The following KHDRBS2 variants were observed in gnomAD, a reference collection of about 807,000 sequenced individuals.
KHDRBS2 encodes the protein KH domain-containing, RNA-binding, signal transduction-associated protein 2.
A neutral mutation model predicts 44.3 loss-of-function variants in KHDRBS2; 26 were observed. The observed-to-expected ratio is 0.59, with a 90% CI of 0.43 to 0.81. KHDRBS2 has a LOEUF of 0.81. Ranked by LOEUF, KHDRBS2 falls within the 40% of genes least tolerant of loss-of-function variation. The pLI is 0.00. For synonymous variants in KHDRBS2, 194 were observed against 151.1 expected (o/e 1.28, Z -2.08); for missense variants, 476 against 433.1 (o/e 1.10, Z -0.88).
intron 6 of KHDRBS2, among the ~76,000 whole-genome samples, chr6:61,852,535 G>C (rs1210989176): frequency 6.7e-6 from 1 of 149,462 alleles, no homozygotes; most frequent in Admixed American, 6.7e-5. Flanking sequence ...CTGCACTCCA[G>C]CCTGGTGACA....
intron 6 of KHDRBS2, among the ~76,000 whole-genome samples, chr6:61,822,470 C>A (rs1315627829): frequency 6.6e-6 from 1 of 151,958 alleles, no homozygotes; most frequent in Non-Finnish European, 1.5e-5. Flanking sequence ...CTATCATCTT[C>A]ATCAGTGCTT....
intron 2 of KHDRBS2, among the ~76,000 whole-genome samples, chr6:62,055,801 G>A (rs575151602): frequency 3.3e-4 from 50 of 152,070 alleles, no homozygotes; most frequent in African/African-American, 1.2e-3. Flanking sequence ...TTTGGAAGAC[G>A]GACATGAATT....
chr6:62,049,129 A>G (rs1218514808), intron 2 of KHDRBS2, among the ~76,000 whole-genome samples: 1 of 151,896 alleles, frequency 6.6e-6, no homozygotes, highest in Non-Finnish European at 1.5e-5. Flanking sequence ...TTACTGGAGT[A>G]TGGATTGTTG....
chr6:61,849,203 C>T (rs552239), intron 6 of KHDRBS2, among the ~76,000 whole-genome samples: 87,139 of 151,762 alleles, frequency 0.57, 25,185 homozygotes, highest in South Asian at 0.68. Context: ...CTTGTTAAAT[C>T]GACTATAAAT....
chr6:61,965,204 G>A (rs911488117), intron 4 of KHDRBS2, among the ~76,000 whole-genome samples: 1 of 152,116 alleles, frequency 6.6e-6, no homozygotes, highest in Non-Finnish European at 1.5e-5. Context: ...CATGTGCCAG[G>A]GGCCAATTTC....
chr6:62,027,915 C>T (rs1783663820), intron 3 of KHDRBS2, among the ~76,000 whole-genome samples: 1 of 151,996 alleles, frequency 6.6e-6, no homozygotes, highest in East Asian at 1.9e-4. Context: ...TTCCTGAGTT[C>T]TGTGAGCCAG....
In KHDRBS2 at chr6:61,938,958, T is replaced by C. The variant is rs1280559188; in HGVS notation, c.484-37587A>G. ...AAAAGAGCTCTCCTATTCATGTTCA[T>C]CAGTGGTTCTTCAGTGGAGGCTATT... On this transcript the variant is annotated intron_variant, in intron 4 of 8. Transcript: ENST00000281156. Among the ~76,000 whole-genome samples, 3 of 152,152 alleles carry C rather than the reference T, an allele frequency of 2.0e-5. 1 individual carries two copies. Among genetic ancestry groups the C allele is most frequent in the South Asian group, 4.1e-4 (2 of 4,832 alleles).
chr6:61,768,174 C>T (rs566836088), intron 6 of KHDRBS2, among the ~76,000 whole-genome samples: 1 of 152,114 alleles, frequency 6.6e-6, no homozygotes, highest in Non-Finnish European at 1.5e-5. Flanking sequence ...TTTCTCCTGG[C>T]CTGTAAGGTT....
chr6:61,624,553 A>G, the KHDRBS2 span, among the ~76,000 whole-genome samples: 127 of 152,350 alleles, frequency 8.3e-4, no homozygotes, highest in African/African-American at 2.9e-3. Flanking sequence ...ATCCACAGAC[A>G]TGGAATCTGT....
At chr6:62,070,611 C>A (rs1010054730) in intron 2 of KHDRBS2, among the ~76,000 whole-genome samples, 1 of 151,768 alleles carries the variant, frequency 6.6e-6, no homozygotes, top group Non-Finnish European at 1.5e-5. Context: ...GTCCTTGCGA[C>A]AGTTTGCTGA....
At chr6:62,195,995 AT>A (rs1382559237) in intron 1 of KHDRBS2, among the ~76,000 whole-genome samples, 1 of 152,200 alleles carries the variant, frequency 6.6e-6, no homozygotes, top group Non-Finnish European at 1.5e-5. Flanking sequence ...CAGAAACAGA[AT>A]AAGCATCTGT....
At chr6:62,257,991 C>G (rs899175903) in intron 1 of KHDRBS2, among the ~76,000 whole-genome samples, 2 of 152,006 alleles carry the variant, frequency 1.3e-5, no homozygotes, top group African/African-American at 4.8e-5. Context: ...AATCCAAAAT[C>G]TGAAATGCTC....
At chr6:61,729,174 G>A (rs1241791758) in intron 7 of KHDRBS2, among the ~76,000 whole-genome samples, 1 of 152,142 alleles carries the variant, frequency 6.6e-6, no homozygotes, top group Non-Finnish European at 1.5e-5. Context: ...CATGTCCTTT[G>A]TAGGCACATG....
chr6:62,084,629 A>G (rs911782099), intron 2 of KHDRBS2, among the ~76,000 whole-genome samples: 6 of 152,310 alleles, frequency 3.9e-5, no homozygotes, highest in African/African-American at 1.4e-4. Flanking sequence ...CTCTGAAATC[A>G]ACACAATTAT....
intron 2 of KHDRBS2, among the ~76,000 whole-genome samples, chr6:62,098,014 A>G (rs868387881): frequency 6.6e-6 from 1 of 152,144 alleles, no homozygotes; most frequent in Non-Finnish European, 1.5e-5. Flanking sequence ...AACAAACAAA[A>G]AAAGTCTACA....
intron 2 of KHDRBS2, among the ~76,000 whole-genome samples, chr6:62,102,970 A>T (rs1802245436): frequency 6.6e-6 from 1 of 152,128 alleles, no homozygotes; most frequent in Non-Finnish European, 1.5e-5. Flanking sequence ...CTCTCAAGAG[A>T]TCCGAAGTGT....
At chr6:61,941,602 CCTCCACCAATAA>C in intron 4 of KHDRBS2, among the ~76,000 whole-genome samples, 1 of 152,210 alleles carries the variant, frequency 6.6e-6, no homozygotes, top group Admixed American at 6.5e-5. Flanking sequence ...TTTACCACAG[CCTCCACCAATAA>C]CTGCTCCCTA....
At chr6:61,622,742 G>A in the KHDRBS2 span, among the ~76,000 whole-genome samples, 1 of 152,078 alleles carries the variant, frequency 6.6e-6, no homozygotes, top group Non-Finnish European at 1.5e-5. Flanking sequence ...AAACCAAACA[G>A]AGGATTGTAT....
rs557342925 is a variant in KHDRBS2 at position 62,015,569 on chromosome 6, T to C, written c.336+32309A>G. ...TCTAAAAGTCCCCTGATCCTTCTTT[T>C]AGCACACTGACAATTTCCAGAGCTC... On this transcript the variant is annotated intron_variant, in intron 3 of 8. Transcript: ENST00000281156. 2.0e-5 allele frequency among the ~76,000 whole-genome samples: 3 copies of C among 152,258 alleles called. No individual in the cohort carries two copies. In the South Asian group the frequency reaches 6.2e-4, roughly 32 times the overall value.
Sources: allele counts gnomAD v4.1 joint callset (sites outside exome capture counted in the v4.1 genomes callset), GRCh38; gene constraint gnomAD v4.1.1; transcripts MANE v1.5; gene names NCBI Gene and HGNC (gene_info 2026-07-23, HGNC 2026-07-21).